The following KHDRBS2 variants were observed in gnomAD, a reference collection of about 807,000 sequenced individuals.
KHDRBS2 encodes the protein KH RNA binding domain containing, signal transduction associated 2.
In KHDRBS2, 26 loss-of-function variants were observed where a neutral mutation model predicts 44.3. The observed-to-expected ratio is 0.59, with a 90% confidence interval of 0.43 to 0.81. The LOEUF is 0.81. Ranked by LOEUF, KHDRBS2 falls within the 40% of genes least tolerant of loss-of-function variation. KHDRBS2 has a pLI of 0.00. For synonymous variants in KHDRBS2, 194 were observed against 151.1 expected, an observed-to-expected ratio of 1.28 and a Z score of -2.08; for missense variants, 476 against 433.1, an observed-to-expected ratio of 1.10 and a Z score of -0.88.
At chr6:62,008,771 G>T (rs1182397337) in intron 3 of KHDRBS2, among the ~76,000 whole-genome samples, 1 of 152,182 alleles carries the variant, frequency 6.6e-6, no homozygotes, top group Non-Finnish European at 1.5e-5. Context: ...AAGTTGCTCT[G>T]CACAAGTTCT....
chr6:61,653,613 CAGAGAGAGAGAGAGAG>C, the KHDRBS2 span, among the ~76,000 whole-genome samples: 3 of 148,844 alleles, frequency 2.0e-5, no homozygotes, highest in Non-Finnish European at 4.5e-5. Context: ...AACTGAGAGA[CAGAGAGAGAGAGAGAG>C]AGAGAGAGAG....
chr6:61,576,150 A>G, the KHDRBS2 span, among the ~76,000 whole-genome samples: 3 of 151,594 alleles, frequency 2.0e-5, no homozygotes, highest in East Asian at 1.9e-4. Context: ...TAGGGATTGC[A>G]TTGAATCTGG....
chr6:61,646,850 C>G, the KHDRBS2 span, among the ~76,000 whole-genome samples: 1 of 152,022 alleles, frequency 6.6e-6, no homozygotes, highest in Non-Finnish European at 1.5e-5. Context: ...GACTGAGTCT[C>G]ACTCAGTCGC....
intron 7 of KHDRBS2, among the ~76,000 whole-genome samples, chr6:61,728,160 C>T (rs1238769227): frequency 2.0e-5 from 3 of 152,048 alleles, no homozygotes; most frequent in African/African-American, 7.2e-5. Context: ...AATTGGAAGC[C>T]ATTATCCTTA....
the KHDRBS2 span, among the ~76,000 whole-genome samples, chr6:61,673,712 T>TA: frequency 1.4e-5 from 2 of 139,298 alleles, no homozygotes; most frequent in African/African-American, 5.4e-5. Context: ...GAATCCAACT[T>TA]ACAAGGGACG....
intron 6 of KHDRBS2, among the ~76,000 whole-genome samples, chr6:61,843,770 T>C (rs189115778): frequency 7.7e-4 from 118 of 152,324 alleles, no homozygotes; most frequent in African/African-American, 2.8e-3. Context: ...CTTATTTGGA[T>C]TAATTTCTTT....
intron 8 of KHDRBS2, among the ~76,000 whole-genome samples, chr6:61,681,385 G>A (rs1766276315): frequency 6.6e-6 from 1 of 151,804 alleles, no homozygotes; most frequent in Non-Finnish European, 1.5e-5. Flanking sequence ...CTTAGCCCTT[G>A]AATAACTTGA....
chr6:62,243,835 A>C (rs959162357), intron 1 of KHDRBS2, among the ~76,000 whole-genome samples: 6 of 152,134 alleles, frequency 3.9e-5, no homozygotes, highest in African/African-American at 1.4e-4. Flanking sequence ...CCAAAAGCCA[A>C]GCTGAGAGCC....
the KHDRBS2 span, among the ~76,000 whole-genome samples, chr6:61,610,744 G>C: frequency 1.3e-5 from 2 of 152,178 alleles, no homozygotes; most frequent in African/African-American, 4.8e-5. Flanking sequence ...CTAAGACAGT[G>C]TTTTTAAAAG....
chr6:62,060,741 T>C (rs1296544935), intron 2 of KHDRBS2, among the ~76,000 whole-genome samples: 1 of 151,694 alleles, frequency 6.6e-6, no homozygotes, highest in Non-Finnish European at 1.5e-5. Context: ...CCACTTGGCA[T>C]TGCTCTATTG....
intron 4 of KHDRBS2, among the ~76,000 whole-genome samples, chr6:61,942,961 G>T: frequency 7.0e-6 from 1 of 143,530 alleles, no homozygotes; most frequent in African/African-American, 2.6e-5. Flanking sequence ...AAAGAAAGAG[G>T]AGAGAGAGAG....
intron 2 of KHDRBS2, among the ~76,000 whole-genome samples, chr6:62,171,371 C>T (rs1171135061): frequency 6.6e-6 from 1 of 151,288 alleles, no homozygotes; most frequent in Admixed American, 6.6e-5. Context: ...TCCACTCAGT[C>T]AGACAAAAAT....
intron 6 of KHDRBS2, among the ~76,000 whole-genome samples, chr6:61,768,851 T>C (rs1562128240): frequency 1.3e-5 from 2 of 152,072 alleles, no homozygotes; most frequent in Non-Finnish European, 2.9e-5. Flanking sequence ...GTGTAAACAG[T>C]TGTTCAATTT....
chr6:61,902,670 C>A (rs1804271776), intron 4 of KHDRBS2, among the ~76,000 whole-genome samples: 1 of 151,996 alleles, frequency 6.6e-6, no homozygotes, highest in Non-Finnish European at 1.5e-5. Flanking sequence ...AGAGAGGGGT[C>A]CAGGAGTTAA....
the KHDRBS2 span, among the ~76,000 whole-genome samples, chr6:61,618,859 CT>C: frequency 6.6e-6 from 1 of 152,162 alleles, no homozygotes; most frequent in Admixed American, 6.5e-5. Context: ...TAGATCCGAT[CT>C]TAATTGTTTT....
intron 6 of KHDRBS2, among the ~76,000 whole-genome samples, chr6:61,857,341 A>G (rs1398630092): frequency 6.6e-6 from 1 of 152,038 alleles, no homozygotes; most frequent in Non-Finnish European, 1.5e-5. Flanking sequence ...TGACTTTCTA[A>G]TGATGTTCCT....
At chr6:61,665,486 T>C in the KHDRBS2 span, among the ~76,000 whole-genome samples, 80 of 151,534 alleles carry the variant, frequency 5.3e-4, no homozygotes, top group Non-Finnish European at 6.7e-4. Flanking sequence ...ATCAGTTCAA[T>C]AGATAATACT....
chr6:62,140,944 C>T (rs1812681798), intron 2 of KHDRBS2, among the ~76,000 whole-genome samples: 1 of 152,154 alleles, frequency 6.6e-6, no homozygotes, highest in African/African-American at 2.4e-5. Flanking sequence ...TAGAGTGTCA[C>T]TGAGGACCTT....
chr6:61,554,080 T>C, the KHDRBS2 span, among the ~76,000 whole-genome samples: 2 of 152,164 alleles, frequency 1.3e-5, no homozygotes, highest in East Asian at 3.9e-4. Context: ...TCAATGATCG[T>C]CTTATATTGC....
Sources: gnomAD v4.1 joint callset for allele counts (sites outside exome capture counted in the v4.1 genomes callset) on GRCh38, gnomAD v4.1.1 for gene constraint, MANE v1.5 for transcripts, NCBI Gene and HGNC (gene_info 2026-07-23, HGNC 2026-07-21) for gene names.